The following PTPRT variants were observed in gnomAD, a reference collection of about 807,000 sequenced individuals.
PTPRT encodes the protein protein tyrosine phosphatase receptor type T.
A neutral mutation model predicts 176.8 loss-of-function variants in PTPRT; 56 were observed. The observed-to-expected ratio is 0.32, with a 90% CI of 0.26 to 0.40. PTPRT has a LOEUF of 0.40. Ranked by LOEUF, PTPRT falls within the 10% of genes least tolerant of loss-of-function variation. The pLI is 1.00. For synonymous variants in PTPRT, 783 were observed against 739.0 expected (o/e 1.06, Z -0.96); for missense variants, 1,540 against 1,908.2 (o/e 0.81, Z 3.60).
intron 7 of PTPRT, among the ~76,000 whole-genome samples, chr20:42,608,826 G>T (rs986854117): frequency 2.6e-5 from 4 of 152,112 alleles, no homozygotes; most frequent in Admixed American, 6.5e-5. Context: ...TGTCCTAAGA[G>T]ACCACCCTCA....
At chr20:42,819,162 T>G (rs760852637) in intron 2 of PTPRT, among the ~76,000 whole-genome samples, 3 of 152,250 alleles carry the variant, frequency 2.0e-5, no homozygotes, top group Middle Eastern at 3.4e-3. Flanking sequence ...AAAGGCCAGG[T>G]CACCTACAAA....
intron 1 of PTPRT, among the ~76,000 whole-genome samples, chr20:42,999,275 A>C (rs1436131731): frequency 6.6e-6 from 1 of 152,248 alleles, no homozygotes; most frequent in Non-Finnish European, 1.5e-5. Flanking sequence ...GACTGAAAGC[A>C]CACGTCAAAA....
chr20:42,535,055 C>A (rs1189187768), intron 7 of PTPRT, among the ~76,000 whole-genome samples: 1 of 152,136 alleles, frequency 6.6e-6, no homozygotes, highest in African/African-American at 2.4e-5. Context: ...GGTTAATGAA[C>A]CTGCCTGAAG....
chr20:42,404,989 C>CATAT (rs1480147606), intron 9 of PTPRT, among the ~76,000 whole-genome samples: 1 of 100,416 alleles, frequency 1.0e-5, no homozygotes, highest in South Asian at 2.9e-4. Flanking sequence ...TATATATATA[C>CATAT]ACACACACAC....
rs141066332 is a variant in PTPRT, at chr20:42,753,565, C to T, written c.859+2897G>A. Among the ~76,000 whole-genome samples, 388 of 152,296 alleles carry T rather than the reference C, an allele frequency of 2.5e-3. 4 individuals are homozygous for T. In the Middle Eastern group the frequency reaches 0.037, roughly 15 times the overall value. Reference sequence around the variant, plus strand: ...CAATGTGAAGGAGACTGGGTGCCACCCACCACCCCACCCTCCCTAAGCTGG... The same window carrying T: ...CAATGTGAAGGAGACTGGGTGCCACTCACCACCCCACCCTCCCTAAGCTGG... On this transcript the variant is annotated intron_variant, in intron 6 of 30. Transcript: ENST00000373187.
chr20:42,415,396 G>A (rs1218675183), intron 9 of PTPRT, among the ~76,000 whole-genome samples: 1 of 142,534 alleles, frequency 7.0e-6, no homozygotes, highest in Admixed American at 7.1e-5. Context: ...GTTTTTTGTA[G>A]ATACGGGGTT....
At chr20:43,002,362 T>C (rs1984623248) in intron 1 of PTPRT, among the ~76,000 whole-genome samples, 1 of 152,134 alleles carries the variant, frequency 6.6e-6, no homozygotes, top group Non-Finnish European at 1.5e-5. Flanking sequence ...ATAATAAGTA[T>C]TAACGTAGGG....
rs1288800156 is a variant in PTPRT at position 42,203,255 on chromosome 20, A to G, written c.2343-3867T>C. On this transcript the variant is annotated intron_variant, in intron 15 of 30. Transcript: ENST00000373187. ...AATTCTGAATTTAAGTGTTAAAAAG[A>G]CCTCTCAGTAACACAGAAAAATTGA... Among the ~76,000 whole-genome samples, 3 of 152,192 alleles carry G rather than the reference A, an allele frequency of 2.0e-5. No homozygotes were observed. In the South Asian group the frequency reaches 6.2e-4, roughly 32 times the overall value.
intron 1 of PTPRT, among the ~76,000 whole-genome samples, chr20:43,116,240 T>C (rs1732845872): frequency 6.6e-6 from 1 of 152,162 alleles, no homozygotes; most frequent in African/African-American, 2.4e-5. Flanking sequence ...AAATGCCGCA[T>C]GGAACCACTG....
chr20:43,004,751 T>C (rs1271161072), intron 1 of PTPRT, among the ~76,000 whole-genome samples: 3 of 152,216 alleles, frequency 2.0e-5, no homozygotes, highest in Non-Finnish European at 4.4e-5. Context: ...TTTTCATCTA[T>C]TGCTATTTGT....
chr20:42,448,412 A>G (rs2070770340), intron 8 of PTPRT, 83 bp from the exon 9 acceptor site: 1 of 1,045,698 alleles, frequency 9.6e-7, no homozygotes, highest in Non-Finnish European at 1.5e-6. Context: ...GGGGTTGACA[A>G]AGTTGCTGTA....
chr20:42,799,492 T>G (rs1222440037), intron 2 of PTPRT, among the ~76,000 whole-genome samples: 1 of 152,234 alleles, frequency 6.6e-6, no homozygotes, highest in Non-Finnish European at 1.5e-5. Flanking sequence ...TATTACTTCA[T>G]AACTTGCCTT....
rs116134180 is a variant in PTPRT at position 42,698,499 on chromosome 20, C to T, written c.860-20340G>A. ...AAGTCCTTTGTATTAAGCTATCCCA[C>T]TCTAAAAAAAATATCTTCATGGGTT... On this transcript the variant is annotated intron_variant, in intron 6 of 30. Transcript: ENST00000373187. 1.5e-3 allele frequency among the ~76,000 whole-genome samples: 236 copies of T among 152,276 alleles called. 1 individual carries two copies. Among genetic ancestry groups the T allele is most frequent in the African/African-American group, 5.4e-3 (224 of 41,554 alleles).
chr20:42,797,378 T>A (rs142771105), intron 2 of PTPRT, among the ~76,000 whole-genome samples: 106 of 152,330 alleles, frequency 7.0e-4, no homozygotes, highest in African/African-American at 2.5e-3. Flanking sequence ...CTTTCTGAGA[T>A]ACAAAGCCAA....
chr20:42,944,682 C>G (rs6093763), intron 1 of PTPRT, among the ~76,000 whole-genome samples: 1 of 152,170 alleles, frequency 6.6e-6, no homozygotes, highest in African/African-American at 2.4e-5. Flanking sequence ...AAGGAGGTAC[C>G]TTCTCTTCCA....
Position 42,161,347 on chromosome 20 carries a change from C to A in PTPRT, c.2682+5G>T, listed in dbSNP as rs574941321. The stretch of plus-strand genomic sequence containing the variant: ...AGGAAGTTTCCCCACAGGCTGGTCT[C>A]TTACCTCGTATTCCTCCTTGAACCC... On this transcript the variant is annotated splice_donor_5th_base_variant and intron_variant, in intron 17 of 30. Coordinates refer to ENST00000373187, the MANE Select transcript of PTPRT (RefSeq NM_007050.6). 18 of 1,614,006 alleles carry A rather than the reference C, an allele frequency of 1.1e-5. No homozygotes were observed. The highest frequency in any genetic ancestry group is 1.7e-5 in the Admixed American group (1 of 60,006).
intron 6 of PTPRT, among the ~76,000 whole-genome samples, chr20:42,717,042 G>T (rs901510995): frequency 2.5e-4 from 38 of 151,568 alleles, no homozygotes; most frequent in Non-Finnish European, 1.0e-4. Context: ...GTTGTGGGGT[G>T]GGGGGAGGCG....
At chr20:42,529,847 G>GAAAAAAAAA (rs140817588) in intron 7 of PTPRT, among the ~76,000 whole-genome samples, 7 of 108,478 alleles carry the variant, frequency 6.5e-5, no homozygotes, top group Non-Finnish European at 7.7e-5. Flanking sequence ...CTTGTTAGAG[G>GAAAAAAAAA]AAAAAAAAAA....
chr20:42,147,905 C>T (rs1988943042), intron 17 of PTPRT, among the ~76,000 whole-genome samples: 1 of 152,078 alleles, frequency 6.6e-6, no homozygotes, highest in Non-Finnish European at 1.5e-5. Flanking sequence ...CATCCATTTC[C>T]CTTTTTAGGG....
Sources: gnomAD v4.1 joint callset for allele counts (sites outside exome capture counted in the v4.1 genomes callset) on GRCh38, gnomAD v4.1.1 for gene constraint, MANE v1.5 for transcripts, NCBI Gene and HGNC (gene_info 2026-07-23, HGNC 2026-07-21) for gene names.